The following ACAN variants were observed in gnomAD, a reference collection of about 807,000 sequenced individuals.
The protein encoded by ACAN is aggrecan.
A neutral mutation model predicts 169.1 loss-of-function variants in ACAN; 47 were observed. The observed-to-expected ratio is 0.28, with a 90% CI of 0.22 to 0.35. ACAN has a LOEUF of 0.35. ACAN is among the 10% of genes least tolerant of loss of function. The pLI is 1.00. For missense variants in ACAN, 2,716 were observed against 2,759.9 expected (o/e 0.98, Z 0.36); for synonymous variants, 1,115 against 1,112.2 (o/e 1.00, Z -0.05).
In ACAN at chr15:88,817,908, T is replaced by C. The variant is rs147416822; in HGVS notation, c.-8+14099T>C. ...AAGGAAAAAAAAGAAAAAATAAAAA[T>C]ATACTATAGACTTACCACCCAAAGA... On this transcript the variant is annotated intron_variant, in intron 1 of 18. Transcript: ENST00000560601. Among the ~76,000 whole-genome samples, 406 of 134,188 alleles carry C rather than the reference T, an allele frequency of 3.0e-3. 8 individuals are homozygous for C. The South Asian group carries it at 0.05, about 17-fold the overall frequency. 88.0% of individuals were successfully genotyped at this position (134,188 alleles called of 152,430 possible). A position where few individuals can be genotyped will look rare whatever the true frequency, so the allele number is the denominator to read the frequency against.
In ACAN at chr15:88,859,257, G is replaced by C. The variant is rs1194006548; in HGVS notation, c.6672G>C (p.Gln2224His). 6.2e-7 allele frequency: 1 copy of C among 1,613,878 alleles called. No homozygotes were observed. Among genetic ancestry groups the C allele is most frequent in the Non-Finnish European group, 8.5e-7 (1 of 1,179,884 alleles). The part of the protein sequence containing the change: ...STSIPESEWT[Q>H]QTQRPAETHL... ...GCATCCCAGAGTCTGAGTGGACCCAGCAGACCCAGCGCCCTGCAGAGACGC... is the reference window on the plus strand; with the variant it reads ...GCATCCCAGAGTCTGAGTGGACCCACCAGACCCAGCGCCCTGCAGAGACGC... Residue 2224 changes from glutamine to histidine, a missense_variant, in exon 12 of 19, where the codon CAG becomes CAC. This residue lies in a region of ACAN where 1,389 missense variants were observed against 1,363.7 expected (regional missense o/e 1.02). Transcript: ENST00000560601.
At position 88,873,132 on chromosome 15, in the gene ACAN, C is replaced by T. The variant is rs1897423514; in HGVS notation, c.7447+107C>T. 1.4e-6 allele frequency: 2 copies of T among 1,390,352 alleles called. No homozygotes were observed. The allele number at this position is 1,390,352 out of a possible 1,614,324, so 86.1% of individuals were successfully genotyped here. On this transcript the variant is annotated intron_variant, in intron 17 of 18. Transcript: ENST00000560601. This position sits in a 1 kb window ranked among gnomAD's most constrained non-coding sequence, Gnocchi z 7.5. Reference sequence around the variant, plus strand: ...GGGTGAGTCCCTTGTCTTCTGGCTGCTGGTGTCTCCTCACTTGTCCAAAAG... The same window carrying T: ...GGGTGAGTCCCTTGTCTTCTGGCTGTTGGTGTCTCCTCACTTGTCCAAAAG...
At position 88,872,678 on chromosome 15, in the gene ACAN, C is replaced by T. The variant is rs1462223380; in HGVS notation, c.7303-203C>T. 3.9e-5 allele frequency among the ~76,000 whole-genome samples: 6 copies of T among 152,154 alleles called. No homozygotes were observed. The highest frequency in any genetic ancestry group is 8.8e-5 in the Non-Finnish European group (6 of 68,030). On this transcript the variant is annotated intron_variant, in intron 16 of 18. Coordinates refer to ENST00000560601, the MANE Select transcript of ACAN (RefSeq NM_001369268.1). This position sits in a 1 kb window ranked among gnomAD's most constrained non-coding sequence, Gnocchi z 5.4. ...CCTGAGCCAAGCTGTGTGACTGATT[C>T]CCTAGAGGGCCACCGGGTTCCATGG... is the stretch of plus-strand genomic sequence containing the variant.
At position 88,854,876 on chromosome 15, in the gene ACAN, C is replaced by A; in HGVS notation, c.2291C>A (p.Thr764Asn). 1 of 1,503,368 alleles carries A rather than the reference C, an allele frequency of 6.7e-7. No individual in the cohort carries two copies. Among genetic ancestry groups the A allele is most frequent in the Non-Finnish European group, 8.9e-7 (1 of 1,129,690 alleles). The allele number at this position is 1,503,368 out of a possible 1,614,324, so 93.1% of individuals were successfully genotyped here. Residue 764 changes from threonine to asparagine, a missense_variant, in exon 12 of 19, where the codon ACT (threonine) becomes AAT (asparagine). Thr to Asn is a moderately conservative substitution (Grantham distance 65). This residue lies in a region of ACAN where 1,283 missense variants were observed against 1,281.5 expected (regional missense o/e 1.00). Coordinates refer to ENST00000560601, the MANE Select transcript of ACAN (RefSeq NM_001369268.1). ...LPGILPTWPP[T>N]GAATEESTEG... ...GGGATCCTTCCTACTTGGCCTCCCA[C>A]TGGCGCAGCAACAGAGGAAAGTACA... is the stretch of plus-strand genomic sequence containing the variant.
chr15:88,846,305 G>A (rs940529860), intron 7 of ACAN, among the ~76,000 whole-genome samples: 1 of 152,178 alleles, frequency 6.6e-6, no homozygotes. Context: ...CAGGACAAAG[G>A]CCAGCAAACT....
At position 88,814,171 on chromosome 15, in the gene ACAN, C is replaced by T. The variant is rs1003229589; in HGVS notation, c.-8+10362C>T. ...AGAGTTGATTAGTCTTGCTGTGCCT[C>T]GTTTTCCTCATCTGTGAATTGGGTA... is the stretch of plus-strand genomic sequence containing the variant. On this transcript the variant is annotated intron_variant, in intron 1 of 18. Coordinates refer to ENST00000560601, the MANE Select transcript of ACAN (RefSeq NM_001369268.1). This position sits in a 1 kb window ranked among gnomAD's most constrained non-coding sequence, Gnocchi z 4.0. Among the ~76,000 whole-genome samples the T allele has an allele frequency of 8.5e-5, 13 of 152,312 alleles. No individual in the cohort carries two copies. The highest frequency in any genetic ancestry group is 1.7e-4 in the African/African-American group (7 of 41,566).
intron 1 of ACAN, among the ~76,000 whole-genome samples, chr15:88,833,438 C>T (rs1008256465): frequency 6.6e-6 from 1 of 152,134 alleles, no homozygotes; most frequent in Non-Finnish European, 1.5e-5. Flanking sequence ...TATGCTGTCG[C>T]CCTGTCAGCA....
chr15:88,834,045 T>G (rs1270474315), intron 1 of ACAN, among the ~76,000 whole-genome samples: 1 of 152,118 alleles, frequency 6.6e-6, no homozygotes, highest in Non-Finnish European at 1.5e-5. Context: ...GGGGAACTAT[T>G]TCCCAGCCGC....
intron 12 of ACAN, 144 bp downstream of exon 12, chr15:88,859,561 C>G: frequency 8.7e-7 from 1 of 1,146,506 alleles, no homozygotes; most frequent in Non-Finnish European, 1.3e-6. Context: ...AATAGTCTTC[C>G]CCTCTCTGAG....
chr15:88,857,281 C>T lies in ACAN; in HGVS notation c.4696C>T (p.Leu1566Phe). 1 of 1,612,750 alleles carries T rather than the reference C, an allele frequency of 6.2e-7. No homozygotes were observed. The highest frequency in any genetic ancestry group is 8.5e-7 in the Non-Finnish European group (1 of 1,179,554). The change falls in exon 12 of 19, where the codon CTC (leucine) becomes TTC (phenylalanine). Residue 1566 changes from leucine (L) to phenylalanine (F), a missense_variant. Leu to Phe is a conservative substitution (Grantham distance 22). This residue lies in a region of ACAN where 1,389 missense variants were observed against 1,363.7 expected (regional missense o/e 1.02). Transcript: ENST00000560601. Reference protein sequence around the residue: ...ETSASEVGTDLSGLPSGREGL... With the variant: ...ETSASEVGTDFSGLPSGREGL... ...CTCTGCTTCTGAAGTAGGGACTGAC[C>T]TCAGTGGGCTTCCTTCTGGAAGGGA... is the stretch of plus-strand genomic sequence containing the variant.
In ACAN at chr15:88,859,131, A is replaced by G. The variant is rs563183177; in HGVS notation, c.6546A>G (p.Pro2182=). 1.2e-6 allele frequency: 2 copies of G among 1,613,862 alleles called. No homozygotes were observed. The highest frequency in any genetic ancestry group is 4.5e-5 in the East Asian group (2 of 44,894). Residue 2182 remains proline, a synonymous_variant, in exon 12 of 19, where the codon CCA becomes CCG. Coordinates refer to ENST00000560601, the MANE Select transcript of ACAN (RefSeq NM_001369268.1). ...TTTSDVGTEA[P]GLPSATPTAS... ...CCAGTGATGTGGGGACAGAGGCACC[A>G]GGCTTGCCTTCAGCCACTCCCACGG...
At chr15:88,806,181 A>G (rs1483002692) in intron 1 of ACAN, among the ~76,000 whole-genome samples, 2 of 152,244 alleles carry the variant, frequency 1.3e-5, no homozygotes, top group African/African-American at 4.8e-5. Context: ...GAAGATTAAA[A>G]GACATAAAGT....
rs908407409 is a variant in ACAN at position 88,861,594 on chromosome 15, C to T, written c.6946+1155C>T. The stretch of plus-strand genomic sequence containing the variant: ...AGATATTCATTCACTCTTTCCCCAA[C>T]GTGTGGGCTGCAAGGACAGAGAGGG... On this transcript the variant is annotated intron_variant, in intron 13 of 18. Transcript: ENST00000560601. The surrounding 1 kb of genome is among the most constrained non-coding windows in gnomAD (Gnocchi z 6.3). Among the ~76,000 whole-genome samples, 9 of 152,094 alleles carry T rather than the reference C, an allele frequency of 5.9e-5. No individual in the cohort carries two copies. Among genetic ancestry groups the T allele is most frequent in the Non-Finnish European group, 1.0e-4 (7 of 68,028 alleles).
At chr15:88,863,825 G>T (rs1334613721) in intron 13 of ACAN, among the ~76,000 whole-genome samples, 1 of 152,216 alleles carries the variant, frequency 6.6e-6, no homozygotes, top group Non-Finnish European at 1.5e-5. Context: ...ATGCCTTCTT[G>T]ACTTAACCAA....
At chr15:88,834,651 A>C (rs1896456023) in intron 1 of ACAN, among the ~76,000 whole-genome samples, 1 of 152,230 alleles carries the variant, frequency 6.6e-6, no homozygotes, top group Admixed American at 6.5e-5. Context: ...AGCACTTCTT[A>C]AACCAAAAGG....
In ACAN at chr15:88,871,452, G is replaced by T. The variant is rs754450944; in HGVS notation, c.7131G>T (p.Glu2377Asp). The change falls in exon 15 of 19, where the codon GAG (glutamate) becomes GAT (aspartate). Residue 2377 changes from glutamate (E) to aspartate (D), a missense_variant. Physicochemically the swap from Glu to Asp is conservative, Grantham distance 45 (BLOSUM62 2). Around this residue, in one of 3 missense-constraint regions of ACAN, gnomAD observed 1,389 missense variants for 1,363.7 expected, o/e 1.02. Coordinates refer to ENST00000560601, the MANE Select transcript of ACAN (RefSeq NM_001369268.1). The surrounding 1 kb of genome is among the most constrained non-coding windows in gnomAD (Gnocchi z 7.8). ...GHCYRHFPDR[E>D]TWVDAERRCR... The stretch of plus-strand genomic sequence containing the variant: ...GTTACCGCCACTTCCCGGACCGCGA[G>T]ACCTGGGTGGATGCTGAGCGCCGGT... 2.5e-6 allele frequency: 4 copies of T among 1,613,866 alleles called. No homozygotes were observed. The African/African-American group carries it at 5.3e-5, about 22-fold the overall frequency.
Position 88,859,182 on chromosome 15 carries a change from C to T in ACAN, c.6597C>T (p.Ser2199=), listed in dbSNP as rs757114270. 3.1e-6 allele frequency: 5 copies of T among 1,613,712 alleles called. No homozygotes were observed. The highest frequency in any genetic ancestry group is 1.3e-5 in the African/African-American group (1 of 74,910). Reference sequence around the variant, plus strand: ...CTTCTGGAGACAGGACTGAAATCAGCGGAGACCTGTCTGGTCACACCTCGC... The same window carrying T: ...CTTCTGGAGACAGGACTGAAATCAGTGGAGACCTGTCTGGTCACACCTCGC... The part of the protein sequence containing the change: ...PTASGDRTEI[S]GDLSGHTSQL... Residue 2199 remains serine, a synonymous_variant, in exon 12 of 19, where the codon AGC becomes AGT. Coordinates refer to ENST00000560601, the MANE Select transcript of ACAN (RefSeq NM_001369268.1).
intron 1 of ACAN, among the ~76,000 whole-genome samples, chr15:88,812,735 A>T (rs376994879): frequency 6.6e-6 from 1 of 151,620 alleles, no homozygotes; most frequent in Non-Finnish European, 1.5e-5. Context: ...CATCCCCTGC[A>T]TTTTTCTTTA....
At chr15:88,863,404 C>G (rs143505069) in intron 13 of ACAN, among the ~76,000 whole-genome samples, 1 of 152,140 alleles carries the variant, frequency 6.6e-6, no homozygotes, top group Non-Finnish European at 1.5e-5. Flanking sequence ...TGCCTGGGCC[C>G]CACTCTGAGA....
Sources: gnomAD v4.1 joint callset for allele counts (sites outside exome capture counted in the v4.1 genomes callset) on GRCh38, gnomAD v4.1.1 for gene constraint, gnomAD v4.1.1 regional missense constraint, Gnocchi (gnomAD v3.1) non-coding constraint, MANE v1.5 for transcripts, NCBI Gene and HGNC (gene_info 2026-07-23, HGNC 2026-07-21) for gene names.